MTX2: variants seen among roughly 807,000 people sequenced by gnomAD.
The protein encoded by MTX2 is metaxin-2.
MTX2 carries 35 observed loss-of-function variants against 42.3 expected under a neutral mutation model. That is an observed-to-expected ratio of 0.83 (90% CI 0.63 to 1.10). The LOEUF is 1.10. Among genes scored for constraint, MTX2 ranks in the 50% least tolerant of loss-of-function variants. MTX2 has a pLI of 0.00. For missense variants in MTX2, 307 were observed against 304.1 expected (o/e 1.01, Z -0.07); for synonymous variants, 119 against 100.9 (o/e 1.18, Z -1.08).
chr2:176,302,546 C>T (rs556878392), intron 3 of MTX2, among the ~76,000 whole-genome samples: 1 of 152,044 alleles, frequency 6.6e-6, no homozygotes, highest in Non-Finnish European at 1.5e-5. Context: ...AAGTGATTCT[C>T]CCACCTCAGC....
chr2:176,309,272 T>G (rs1000736642), intron 3 of MTX2, among the ~76,000 whole-genome samples: 1 of 152,228 alleles, frequency 6.6e-6, no homozygotes, highest in Non-Finnish European at 1.5e-5. Context: ...TGTTGTGATT[T>G]CAGTTCTTTT....
intron 2 of MTX2, 152 bp downstream of exon 2, chr2:176,297,059 T>C: frequency 1.2e-6 from 1 of 822,136 alleles, no homozygotes; most frequent in Non-Finnish European, 1.9e-6. Context: ...CCTGAACTTG[T>C]ATCTGCCAGT....
chr2:176,318,175 A>G (rs1222261794), intron 3 of MTX2, among the ~76,000 whole-genome samples: 1 of 151,894 alleles, frequency 6.6e-6, no homozygotes, highest in Non-Finnish European at 1.5e-5. Context: ...TTTTTTTTTA[A>G]AGGTTGCAGA....
At chr2:176,334,405 G>A (rs1226920265) in intron 9 of MTX2, among the ~76,000 whole-genome samples, 1 of 151,790 alleles carries the variant, frequency 6.6e-6, no homozygotes, top group Non-Finnish European at 1.5e-5. Flanking sequence ...TAAGGATGTG[G>A]AAGAATTGGT....
chr2:176,295,518 T>TA (rs1473149851), intron 1 of MTX2, among the ~76,000 whole-genome samples: 9 of 152,172 alleles, frequency 5.9e-5, no homozygotes, highest in African/African-American at 1.4e-4. Context: ...TTCAGTCCCT[T>TA]ACGTATATGT....
chr2:176,306,076 C>G (rs1295129066), intron 3 of MTX2, among the ~76,000 whole-genome samples: 4 of 152,010 alleles, frequency 2.6e-5, no homozygotes, highest in Admixed American at 1.3e-4. Flanking sequence ...ACCCCCACCC[C>G]CTGACAGGCC....
At chr2:176,318,709 T>C (rs1028797126) in intron 3 of MTX2, among the ~76,000 whole-genome samples, 1 of 152,238 alleles carries the variant, frequency 6.6e-6, no homozygotes, top group Admixed American at 6.5e-5. Flanking sequence ...AAATAATGTT[T>C]GCTATAATCA....
At chr2:176,277,109 A>G (rs911853128) in intron 1 of MTX2, among the ~76,000 whole-genome samples, 1 of 152,194 alleles carries the variant, frequency 6.6e-6, no homozygotes, top group Non-Finnish European at 1.5e-5. Context: ...ACGCATCTTG[A>G]AAGTGTGATT....
chr2:176,329,418 CTG>C lies in MTX2; in HGVS notation c.536_537del (p.Leu179ArgfsTer27), dbSNP rs1450458893. 6.2e-7 allele frequency: 1 copy of C among 1,606,330 alleles called. No individual in the cohort carries two copies. On this transcript the variant is annotated frameshift_variant, in exon 8 of 10. Transcript: ENST00000249442. LOFTEE classifies it high-confidence loss of function. The part of the protein sequence containing the change: ...MKAIGWGKKT[L>X]DQVLEDVDQC... ...AGCTATTGGATGGGGAAAGAAGACT[CTG>C]GACCAGGTCAGTTCAGGTTGAAGTT... is the stretch of plus-strand genomic sequence containing the variant.
At chr2:176,285,773 G>C (rs1231590785) in intron 1 of MTX2, among the ~76,000 whole-genome samples, 1 of 151,882 alleles carries the variant, frequency 6.6e-6, no homozygotes, top group Non-Finnish European at 1.5e-5. Flanking sequence ...CATTATGTCT[G>C]TCCATTCACC....
At chr2:176,327,038 G>C (rs1335770933) in intron 5 of MTX2, 137 bp downstream of exon 5, 1 of 480,176 alleles carries the variant, frequency 2.1e-6, no homozygotes, top group Non-Finnish European at 3.6e-6. Context: ...TTTCTGAAGT[G>C]TAAGTTAGTA....
chr2:176,328,836 G>T, intron 6 of MTX2, 38 bp from the exon 7 acceptor site: 1 of 1,576,098 alleles, frequency 6.3e-7, no homozygotes, highest in Non-Finnish European at 8.7e-7. Flanking sequence ...TTTCCTCTTT[G>T]GTATTCTAAA....
At chr2:176,313,967 C>A (rs1246248496) in intron 3 of MTX2, among the ~76,000 whole-genome samples, 1 of 152,032 alleles carries the variant, frequency 6.6e-6, no homozygotes, top group East Asian at 1.9e-4. Context: ...TTCTTGTGCA[C>A]AGTAGCCACC....
intron 3 of MTX2, among the ~76,000 whole-genome samples, chr2:176,300,171 T>G (rs192688159): frequency 1.4e-4 from 21 of 152,114 alleles, no homozygotes; most frequent in Non-Finnish European, 2.2e-4. Context: ...TCTTCCATTC[T>G]GTACTTGTGC....
At chr2:176,278,638 T>G (rs965124639) in intron 1 of MTX2, among the ~76,000 whole-genome samples, 1 of 152,284 alleles carries the variant, frequency 6.6e-6, no homozygotes, top group East Asian at 1.9e-4. Context: ...TGGTGAAAAT[T>G]GAAAGAAAAC....
In MTX2 at chr2:176,337,705, GT is replaced by G; in HGVS notation, c.*45del. On this transcript the variant is annotated 3_prime_UTR_variant, in exon 10 of 10. Coordinates refer to ENST00000249442, the MANE Select transcript of MTX2 (RefSeq NM_006554.5). ...TCAGGAGTCTTAACTTTTGAAATAT[GT>G]TTTACTTGAATGTTACATTAGATAT... 6.8e-7 allele frequency: 1 copy of G among 1,467,730 alleles called. No homozygotes were observed. The highest frequency in any genetic ancestry group is 2.4e-5 in the East Asian group (1 of 40,868). 90.9% of individuals were successfully genotyped at this position (1,467,730 alleles called of 1,614,324 possible). A position where few individuals can be genotyped will look rare whatever the true frequency, so the allele number is the denominator to read the frequency against.
chr2:176,312,921 T>C (rs1378749711), intron 3 of MTX2, among the ~76,000 whole-genome samples: 2 of 151,690 alleles, frequency 1.3e-5, no homozygotes, highest in South Asian at 4.2e-4. Flanking sequence ...TTTTCCTTTA[T>C]TCTTTTAACA....
intron 1 of MTX2, among the ~76,000 whole-genome samples, chr2:176,283,961 T>G (rs1054514416): frequency 1.3e-5 from 2 of 152,126 alleles, no homozygotes; most frequent in African/African-American, 2.4e-5. Flanking sequence ...TATCAGTGCT[T>G]CTTTTTTTTT....
intron 3 of MTX2, among the ~76,000 whole-genome samples, chr2:176,322,431 C>G (rs7567966): frequency 0.04 from 6,057 of 152,062 alleles, 395 homozygotes; most frequent in African/African-American, 0.14. Context: ...AAAGGTTTGT[C>G]TTCCAATTTG....
Sources: gnomAD v4.1 joint callset for allele counts (sites outside exome capture counted in the v4.1 genomes callset) on GRCh38, gnomAD v4.1.1 for gene constraint, MANE v1.5 for transcripts, NCBI Gene and HGNC (gene_info 2026-07-23, HGNC 2026-07-21) for gene names.